CPNE7: variants seen among roughly 807,000 people sequenced by gnomAD.
CPNE7 encodes copine 7.
CPNE7 carries 78 observed loss-of-function variants against 66.5 expected under a neutral mutation model. The observed-to-expected ratio is 1.17, with a 90% CI of 0.98 to 1.42. CPNE7 has a LOEUF of 1.42. CPNE7 is among the 40% of genes most tolerant of loss of function. CPNE7 has a pLI of 0.00. For synonymous variants in CPNE7, 468 were observed against 336.7 expected (o/e 1.39, Z -4.27); for missense variants, 1,012 against 776.6 (o/e 1.30, Z -3.60).
At position 89,596,698 on chromosome 16, in the gene CPNE7, T is replaced by C; in HGVS notation, c.*77T>C. ...CTGTCTGCAACATGCTTGGGGTCCC[T>C]TAAGCTCCCTCCGACCTCCCAGAAG... On this transcript the variant is annotated 3_prime_UTR_variant, in exon 15 of 15. Transcript: ENST00000319518. The C allele has an allele frequency of 7.1e-7, 1 of 1,416,570 alleles. No homozygotes were observed. The highest frequency in any genetic ancestry group is 9.2e-7 in the Non-Finnish European group (1 of 1,082,812). 87.8% of individuals were successfully genotyped at this position (1,416,570 alleles called of 1,614,324 possible).
rs773653899 is a variant in CPNE7, at chr16:89,585,562, C to T, written c.681+9C>T. On this transcript the variant is annotated intron_variant, in intron 6 of 14. Coordinates refer to ENST00000319518, the MANE Select transcript of CPNE7 (RefSeq NM_153636.3). ...AGACAAGGCCTCTAAAGGTGGGGGACGGGATGGACCAAGGGGGCAGTGAGG... is the reference window on the plus strand; with the variant it reads ...AGACAAGGCCTCTAAAGGTGGGGGATGGGATGGACCAAGGGGGCAGTGAGG... The T allele has an allele frequency of 6.0e-5, 96 of 1,600,692 alleles. No individual in the cohort carries two copies. In the Admixed American group the frequency reaches 8.9e-4, roughly 15 times the overall value.
chr16:89,596,113 C>T (rs116641312), intron 14 of CPNE7, among the ~76,000 whole-genome samples: 4,159 of 152,368 alleles, frequency 0.027, 200 homozygotes, highest in African/African-American at 0.095. Flanking sequence ...CATGAAGACA[C>T]GGACACGTGA....
At chr16:89,589,000 G>A (rs2059130062) in intron 10 of CPNE7, among the ~76,000 whole-genome samples, 192 bp downstream of exon 10, 1 of 152,216 alleles carries the variant, frequency 6.6e-6, no homozygotes, top group Admixed American at 6.5e-5. Context: ...GAGTTTGTCA[G>A]ACTGTGAGGG....
rs751184121 is a variant in CPNE7 at position 89,577,685 on chromosome 16, C to T, written c.321C>T (p.Asp107=). 39 of 1,600,982 alleles carry T rather than the reference C, an allele frequency of 2.4e-5. No individual in the cohort carries two copies. Among genetic ancestry groups the T allele is most frequent in the African/African-American group, 5.4e-5 (4 of 74,750 alleles). ...HGPSGFSCQE[D]DFLGGMECTL... ...CCAGCGGCTTCAGCTGTCAGGAGGA[C>T]GATTTCCTGGGGGGCATGGAGTGCA... Residue 107 remains aspartate, a synonymous_variant, in exon 2 of 15, where the codon GAC becomes GAT. Transcript: ENST00000319518.
chr16:89,596,471 TC>T lies in CPNE7; in HGVS notation c.1540-10del. The T allele has an allele frequency of 1.2e-6, 2 of 1,602,138 alleles. No individual in the cohort carries two copies. On this transcript the variant is annotated splice_polypyrimidine_tract_variant and intron_variant, in intron 14 of 14. Transcript: ENST00000319518. ...GAAGGTCCCAGAGGTAACTGCGTTG[TC>T]CCATCCTCCAGGCATCCCCTGCGGC...
Position 89,597,163 on chromosome 16 carries a change from TCTGCGGGGTCTGC to T in CPNE7, c.*543_*555del, listed in dbSNP as rs1409054341. ...GGCCTCTGCACCTGGGTCCATGGGG[TCTGCGGGGTCTGC>T]GGGGTCTGCCTGGCCTGTGGGTTCT... is the stretch of plus-strand genomic sequence containing the variant. On this transcript the variant is annotated 3_prime_UTR_variant, in exon 15 of 15. Transcript: ENST00000319518. 1.4e-5 allele frequency: 2 copies of T among 139,602 alleles called. No homozygotes were observed. The highest frequency in any genetic ancestry group is 1.3e-3 in the East Asian group (2 of 1,512). 8.6% of individuals were successfully genotyped at this position (139,602 alleles called of 1,614,324 possible). A position where few individuals can be genotyped will look rare whatever the true frequency, so the allele number is the denominator to read the frequency against.
intron 13 of CPNE7, among the ~76,000 whole-genome samples, chr16:89,594,763 T>C (rs2059227676): frequency 6.8e-6 from 1 of 147,592 alleles, no homozygotes; most frequent in Non-Finnish European, 1.5e-5. Flanking sequence ...GCGATTCTCA[T>C]GCCTCAGCCT....
intron 9 of CPNE7, chr16:89,587,617 G>T (rs775957507): frequency 2.4e-5 from 11 of 452,470 alleles, no homozygotes; most frequent in African/African-American, 2.2e-4. Flanking sequence ...CAGTCTCTAC[G>T]TGTCATCCAA....
In CPNE7 at chr16:89,577,622, G is replaced by T. The variant is rs750049144; in HGVS notation, c.258G>T (p.Val86=). 1 of 1,573,006 alleles carries T rather than the reference G, an allele frequency of 6.4e-7. No homozygotes were observed. Among genetic ancestry groups the T allele is most frequent in the Non-Finnish European group, 8.6e-7 (1 of 1,158,734 alleles). The part of the protein sequence containing the change: ...VFTVDYYFEE[V]QRLRFEVYDT... ...CGGTGGACTACTACTTCGAGGAGGT[G>T]CAGAGGCTGCGCTTTGAGGTGTACG... The change falls in exon 2 of 15, where the codon GTG becomes GTT. Residue 86 remains valine (V), a synonymous_variant. Transcript: ENST00000319518.
At chr16:89,579,057 G>A (rs1054812095) in intron 2 of CPNE7, 71 of 1,281,990 alleles carry the variant, frequency 5.5e-5, no homozygotes, top group Non-Finnish European at 7.2e-5. Flanking sequence ...TTGGAAGTCC[G>A]AGGTGGGGGG....
At chr16:89,590,655 CA>C (rs1745393345) in intron 11 of CPNE7, among the ~76,000 whole-genome samples, 2 of 150,900 alleles carry the variant, frequency 1.3e-5, no homozygotes, top group South Asian at 4.3e-4. Context: ...CTCTCTGTTT[CA>C]TGACTCTGCA....
intron 2 of CPNE7, among the ~76,000 whole-genome samples, chr16:89,581,493 A>C (rs903093992): frequency 1.5e-4 from 23 of 152,130 alleles, no homozygotes; most frequent in Admixed American, 6.5e-5. Flanking sequence ...TCTTTTACCC[A>C]ACATAATGTC....
Position 89,587,079 on chromosome 16 carries a change from G to C in CPNE7, c.904G>C (p.Gly302Arg), listed in dbSNP as rs929859925. ...GTACTCCTTCCTGGACTATATCATGGGCGGCTGCCAGATCCACTTCACCGT... is the reference window on the plus strand; with the variant it reads ...GTACTCCTTCCTGGACTATATCATGCGCGGCTGCCAGATCCACTTCACCGT... Reference protein sequence around the residue: ...RVYSFLDYIMGGCQIHFTVAI... With the variant: ...RVYSFLDYIMRGCQIHFTVAI... The change falls in exon 9 of 15, where the codon GGC becomes CGC. Residue 302 changes from glycine to arginine, a missense_variant. By Grantham distance (125) the Gly-to-Arg change is moderately radical. Coordinates refer to ENST00000319518, the MANE Select transcript of CPNE7 (RefSeq NM_153636.3). 6.4e-7 allele frequency: 1 copy of C among 1,574,570 alleles called. No individual in the cohort carries two copies. Among genetic ancestry groups the C allele is most frequent in the Non-Finnish European group, 8.6e-7 (1 of 1,160,496 alleles).
At chr16:89,578,136 C>G (rs1410932259) in intron 2 of CPNE7, among the ~76,000 whole-genome samples, 1 of 147,234 alleles carries the variant, frequency 6.8e-6, no homozygotes, top group Non-Finnish European at 1.5e-5. Context: ...GTGATCTCGG[C>G]TCACTGCAAC....
rs1184195646 is a variant in CPNE7 at position 89,575,760 on chromosome 16, G to T, written c.-138G>T. On this transcript the variant is annotated 5_prime_UTR_variant, in exon 1 of 15. Coordinates refer to ENST00000319518, the MANE Select transcript of CPNE7 (RefSeq NM_153636.3). ...CCCGCGCGGCGGCCGCCCGAGCCAC[G>T]TGCGCCCGCGCCCGGCAGGCGTTCA... 5.5e-6 allele frequency: 3 copies of T among 549,470 alleles called. No individual in the cohort carries two copies. In the East Asian group the frequency reaches 4.2e-4, roughly 77 times the overall value. The allele number at this position is 549,470 out of a possible 1,614,324, so 34.0% of individuals were successfully genotyped here. A position where few individuals can be genotyped will look rare whatever the true frequency, so the allele number is the denominator to read the frequency against.
At chr16:89,576,378 C>T (rs1173261819) in intron 1 of CPNE7, among the ~76,000 whole-genome samples, 1 of 151,816 alleles carries the variant, frequency 6.6e-6, no homozygotes, top group African/African-American at 2.4e-5. Context: ...AGTGAAGCGC[C>T]CAGGCATGAG....
chr16:89,577,611 T>C lies in CPNE7; in HGVS notation c.247T>C (p.Phe83Leu), dbSNP rs972964752. Residue 83 changes from phenylalanine (F) to leucine (L), a missense_variant, in exon 2 of 15, where the codon TTC becomes CTC. Coordinates refer to ENST00000319518, the MANE Select transcript of CPNE7 (RefSeq NM_153636.3). ...CAAGGTCTTCACGGTGGACTACTAC[T>C]TCGAGGAGGTGCAGAGGCTGCGCTT... ...FSKVFTVDYY[F>L]EEVQRLRFEV... 8 of 1,563,616 alleles carry C rather than the reference T, an allele frequency of 5.1e-6. No homozygotes were observed. Among genetic ancestry groups the C allele is most frequent in the Non-Finnish European group, 6.9e-6 (8 of 1,153,454 alleles).
rs981144186 is a variant in CPNE7, at chr16:89,584,991, T to C, written c.591+134T>C. The C allele has an allele frequency of 7.4e-6, 6 of 808,260 alleles. No individual in the cohort carries two copies. The highest frequency in any genetic ancestry group is 6.8e-5 in the African/African-American group (4 of 58,912). 50.1% of individuals were successfully genotyped at this position (808,260 alleles called of 1,614,324 possible). Reference sequence around the variant, plus strand: ...CGCAGGGCTTTGGTGGCTGTGGCTATGGCCAGAATCCAACAGGGAGCCGCA... The same window carrying C: ...CGCAGGGCTTTGGTGGCTGTGGCTACGGCCAGAATCCAACAGGGAGCCGCA... On this transcript the variant is annotated intron_variant, in intron 5 of 14. Transcript: ENST00000319518. The surrounding 1 kb of genome is among the most constrained non-coding windows in gnomAD (Gnocchi z 6.0).
chr16:89,587,799 G>A (rs2059091343), intron 9 of CPNE7: 1 of 29,140 alleles, frequency 3.4e-5, no homozygotes, highest in Admixed American at 3.2e-4. Flanking sequence ...GTCACCCACA[G>A]ATACACGGCC....
Sources: gnomAD v4.1 joint callset for allele counts (sites outside exome capture counted in the v4.1 genomes callset) on GRCh38, gnomAD v4.1.1 for gene constraint, Gnocchi (gnomAD v3.1) non-coding constraint, MANE v1.5 for transcripts, NCBI Gene and HGNC (gene_info 2026-07-23, HGNC 2026-07-21) for gene names.